Variants in EPHA6 observed in about 807,000 individuals in gnomAD.
EPHA6 encodes ephrin type-A receptor 6.
In EPHA6, 50 loss-of-function variants were observed where a neutral mutation model predicts 112.0. That is an observed-to-expected ratio of 0.45 (90% CI 0.36 to 0.56). The LOEUF (loss-of-function observed/expected upper bound fraction) is 0.56. Ranked by LOEUF, EPHA6 falls within the 20% of genes least tolerant of loss-of-function variation. The probability of loss-of-function intolerance (pLI) is 0.00; values close to 1 mark genes in which losing one functional copy is unlikely to be tolerated. For synonymous variants in EPHA6, 529 were observed against 490.7 expected, an observed-to-expected ratio of 1.08 and a Z score of -1.03; for missense variants, 1,280 against 1,417.4, an observed-to-expected ratio of 0.90 and a Z score of 1.56.
intron 3 of EPHA6, among the ~76,000 whole-genome samples, chr3:97,032,301 G>T (rs1192649633): frequency 2.0e-5 from 3 of 152,022 alleles, no homozygotes; most frequent in Admixed American, 1.3e-4. Context: ...ACTGTTGTGG[G>T]GTGGGAGAAG....
intron 14 of EPHA6, among the ~76,000 whole-genome samples, chr3:97,649,712 A>G (rs570509873): frequency 2.6e-5 from 4 of 152,146 alleles, no homozygotes; most frequent in African/African-American, 7.2e-5. Flanking sequence ...AACCAAATTC[A>G]TCTATTAAGA....
intron 11 of EPHA6, among the ~76,000 whole-genome samples, chr3:97,582,009 T>C (rs2093443342): frequency 1.3e-5 from 2 of 152,176 alleles, no homozygotes; most frequent in Non-Finnish European, 2.9e-5. Context: ...TTCTTTTTTA[T>C]TTTTATTTTT....
rs2040315828 is a variant in EPHA6, at chr3:96,931,323, C to T, written c.451-56007C>T. ...GCCATCTGGCAAAGCAGCTGTGCTG[C>T]ACTGGGGGAACCCTTTCTTGTCTGG... On this transcript the variant is annotated intron_variant, in intron 2 of 17. Transcript: ENST00000389672. Among the ~76,000 whole-genome samples the T allele has an allele frequency of 1.3e-5, 2 of 152,068 alleles. 1 individual carries two copies. Among genetic ancestry groups the T allele is most frequent in the Admixed American group, 1.3e-4 (2 of 15,280 alleles).
intron 5 of EPHA6, among the ~76,000 whole-genome samples, chr3:97,328,894 C>G (rs1451639430): frequency 1.3e-5 from 2 of 151,930 alleles, no homozygotes; most frequent in Non-Finnish European, 2.9e-5. Context: ...TATGCATGTG[C>G]CATATTGGTG....
chr3:97,579,881 T>A (rs1419631183), intron 11 of EPHA6, among the ~76,000 whole-genome samples: 2 of 151,988 alleles, frequency 1.3e-5, no homozygotes, highest in Non-Finnish European at 2.9e-5. Context: ...TAAACAAGCA[T>A]CTTTTAAAAA....
chr3:97,039,721 A>G (rs1309569773), intron 3 of EPHA6, among the ~76,000 whole-genome samples: 4 of 152,026 alleles, frequency 2.6e-5, no homozygotes, highest in East Asian at 1.9e-4. Flanking sequence ...ATTCGGCAGT[A>G]AAGAGTTTGA....
At chr3:97,370,513 T>C (rs2084986461) in intron 5 of EPHA6, among the ~76,000 whole-genome samples, 1 of 152,140 alleles carries the variant, frequency 6.6e-6, no homozygotes, top group African/African-American at 2.4e-5. Flanking sequence ...GGTCAAAGTA[T>C]ATATGAGAGT....
chr3:97,522,570 G>T (rs182414362), intron 10 of EPHA6, among the ~76,000 whole-genome samples: 116 of 152,148 alleles, frequency 7.6e-4, no homozygotes, highest in African/African-American at 2.6e-3. Context: ...TGTAAAATGA[G>T]TTTAGAAGTA....
At chr3:97,482,943 A>C (rs1225307862) in intron 9 of EPHA6, among the ~76,000 whole-genome samples, 2 of 152,156 alleles carry the variant, frequency 1.3e-5, no homozygotes, top group African/African-American at 4.8e-5. Flanking sequence ...TCCTGTCTAG[A>C]GATCTAAAAT....
At chr3:96,831,268 A>G (rs559987293) in intron 1 of EPHA6, among the ~76,000 whole-genome samples, 1 of 152,210 alleles carries the variant, frequency 6.6e-6, no homozygotes, top group Non-Finnish European at 1.5e-5. Context: ...TGTGTGCTAA[A>G]CACCATATAA....
intron 14 of EPHA6, among the ~76,000 whole-genome samples, chr3:97,644,069 A>T (rs1403661010): frequency 2.0e-5 from 3 of 151,628 alleles, no homozygotes; most frequent in African/African-American, 7.3e-5. Flanking sequence ...GTAAAAGAAC[A>T]GAGATTATAA....
chr3:97,058,735 G>T (rs2045929562), intron 3 of EPHA6, among the ~76,000 whole-genome samples: 1 of 152,080 alleles, frequency 6.6e-6, no homozygotes, highest in Non-Finnish European at 1.5e-5. Flanking sequence ...GCCTACAACT[G>T]GACTTTGAAA....
At chr3:97,590,811 C>G (rs941711810) in intron 11 of EPHA6, among the ~76,000 whole-genome samples, 3 of 152,132 alleles carry the variant, frequency 2.0e-5, no homozygotes, top group Non-Finnish European at 4.4e-5. Context: ...AGTAAGACTG[C>G]TGTATAAATA....
intron 7 of EPHA6, among the ~76,000 whole-genome samples, chr3:97,474,123 T>C (rs1458058121): frequency 6.6e-6 from 1 of 151,850 alleles, no homozygotes; most frequent in Non-Finnish European, 1.5e-5. Flanking sequence ...GAGAATGCTA[T>C]TACTCTGGAT....
chr3:97,538,683 T>G (rs1376562555), intron 11 of EPHA6, among the ~76,000 whole-genome samples: 2 of 151,714 alleles, frequency 1.3e-5, no homozygotes, highest in African/African-American at 2.4e-5. Context: ...TTTCTAAGAG[T>G]GAGAGAGAGG....
chr3:97,358,847 T>C (rs1446947628), intron 5 of EPHA6, among the ~76,000 whole-genome samples: 1 of 152,112 alleles, frequency 6.6e-6, no homozygotes, highest in Non-Finnish European at 1.5e-5. Context: ...GGATGACAGC[T>C]TGTTTTAGGA....
At chr3:97,218,281 A>T (rs2078090428) in intron 3 of EPHA6, among the ~76,000 whole-genome samples, 1 of 152,136 alleles carries the variant, frequency 6.6e-6, no homozygotes, top group African/African-American at 2.4e-5. Context: ...AAAAAAAAAA[A>T]ATGTAAAACC....
At chr3:96,914,373 A>G (rs965389529) in intron 2 of EPHA6, among the ~76,000 whole-genome samples, 2 of 152,296 alleles carry the variant, frequency 1.3e-5, no homozygotes, top group East Asian at 3.9e-4. Flanking sequence ...ATGATTTTAG[A>G]CAACCGTTAG....
chr3:97,320,169 A>AG (rs2082041253), intron 5 of EPHA6, among the ~76,000 whole-genome samples: 1 of 152,014 alleles, frequency 6.6e-6, no homozygotes, highest in Admixed American at 6.6e-5. Flanking sequence ...ATCTTATTTT[A>AG]GCCAGAGAAC....
Sources: allele counts gnomAD v4.1 joint callset (sites outside exome capture counted in the v4.1 genomes callset), GRCh38; gene constraint gnomAD v4.1.1; transcripts MANE v1.5; gene names NCBI Gene and HGNC (gene_info 2026-07-23, HGNC 2026-07-21).